UTRN: variants seen among roughly 807,000 people sequenced by gnomAD.
UTRN encodes utrophin.
A neutral mutation model predicts 463.9 loss-of-function variants in UTRN; 283 were observed. The observed-to-expected ratio is 0.61, with a 90% CI of 0.55 to 0.67. UTRN has a LOEUF of 0.67. Among genes scored for constraint, UTRN ranks in the 30% least tolerant of loss-of-function variants. The pLI, the probability that UTRN is intolerant of heterozygous loss-of-function variation, is 0.00. For synonymous variants in UTRN, 1,442 were observed against 1,431.5 expected (o/e 1.01, Z -0.17); for missense variants, 3,922 against 4,084.3 (o/e 0.96, Z 1.08).
At chr6:144,621,245 TG>T (rs1264782906) in intron 51 of UTRN, among the ~76,000 whole-genome samples, 1 of 152,228 alleles carries the variant, frequency 6.6e-6, no homozygotes, top group African/African-American at 2.4e-5. Context: ...GCAATTTCAG[TG>T]AGTTATAAAA....
chr6:144,823,637 C>T (rs1779783036), intron 66 of UTRN, among the ~76,000 whole-genome samples: 1 of 151,932 alleles, frequency 6.6e-6, no homozygotes, highest in Non-Finnish European at 1.5e-5. Flanking sequence ...GTAAACAAAT[C>T]CATGCTAAGG....
At chr6:144,702,328 C>T (rs372965305) in intron 53 of UTRN, among the ~76,000 whole-genome samples, 5 of 152,262 alleles carry the variant, frequency 3.3e-5, no homozygotes, top group East Asian at 3.9e-4. Flanking sequence ...CAGGCAGTTG[C>T]TCTGCTTCAG....
chr6:144,793,931 T>G lies in UTRN; in HGVS notation c.9018T>G (p.Gly3006=). 2 of 1,614,088 alleles carry G rather than the reference T, an allele frequency of 1.2e-6. No homozygotes were observed. Among genetic ancestry groups the G allele is most frequent in the Non-Finnish European group, 1.7e-6 (2 of 1,179,984 alleles). The part of the protein sequence containing the change: ...HDAIQIPRQL[G]EVAAFGGSNI... ...CCATCCAGATCCCCCGGCAGCTAGG[T>G]GAAGTAGCAGCTTTTGGAGGCAGTA... Residue 3006 remains glycine, a synonymous_variant, in exon 63 of 75, where the codon GGT becomes GGG. Coordinates refer to ENST00000367545, the MANE Select transcript of UTRN (RefSeq NM_007124.3).
rs559302473 is a variant in UTRN at position 144,466,790 on chromosome 6, C to T, written c.3066+3924C>T. 2.6e-5 allele frequency among the ~76,000 whole-genome samples: 4 copies of T among 152,300 alleles called. No individual in the cohort carries two copies. The East Asian group carries it at 7.7e-4, about 29-fold the overall frequency. On this transcript the variant is annotated intron_variant, in intron 23 of 74. Transcript: ENST00000367545. ...ACTTCCTTTTCCTTATTCAAGAGCTCCTGCCCTATGTATAACTGGGAAATG... is the reference window on the plus strand; with the variant it reads ...ACTTCCTTTTCCTTATTCAAGAGCTTCTGCCCTATGTATAACTGGGAAATG...
intron 51 of UTRN, among the ~76,000 whole-genome samples, chr6:144,631,730 A>C (rs1375949355): frequency 2.6e-5 from 4 of 152,006 alleles, no homozygotes; most frequent in African/African-American, 9.7e-5. Context: ...CATATTTGGG[A>C]GGGCTTTGGG....
rs997162710 is a variant in UTRN, at chr6:144,491,119, A to G, written c.4437+17A>G. The G allele has an allele frequency of 1.9e-6, 3 of 1,581,988 alleles. No homozygotes were observed. The African/African-American group carries it at 4.1e-5, about 21-fold the overall frequency. Reference sequence around the variant, plus strand: ...AAGTGTATGGTGAGGCTTTTGGGTGATTGGCACATCCAGTGGCTTTTTCAG... The same window carrying G: ...AAGTGTATGGTGAGGCTTTTGGGTGGTTGGCACATCCAGTGGCTTTTTCAG... On this transcript the variant is annotated intron_variant, in intron 32 of 74. Transcript: ENST00000367545.
intron 2 of UTRN, among the ~76,000 whole-genome samples, chr6:144,295,271 A>G (rs1434983671): frequency 6.6e-6 from 1 of 152,236 alleles, no homozygotes; most frequent in Non-Finnish European, 1.5e-5. Context: ...CCTCACTGCT[A>G]TTTCATTCAA....
At chr6:144,343,818 G>A (rs907953259) in intron 2 of UTRN, among the ~76,000 whole-genome samples, 5 of 152,076 alleles carry the variant, frequency 3.3e-5, no homozygotes, top group African/African-American at 1.2e-4. Context: ...TGTATACCCA[G>A]GGCAAACGCC....
At chr6:144,834,784 C>T (rs1244630196) in intron 69 of UTRN, among the ~76,000 whole-genome samples, 2 of 152,156 alleles carry the variant, frequency 1.3e-5, no homozygotes, top group Non-Finnish European at 2.9e-5. Flanking sequence ...TTCGCAGCCC[C>T]CATCGCTTAC....
intron 62 of UTRN, among the ~76,000 whole-genome samples, chr6:144,791,263 T>C (rs193181194): frequency 6.6e-6 from 1 of 152,356 alleles, no homozygotes; most frequent in African/African-American, 2.4e-5. Context: ...TGTCTGAACA[T>C]TGATTTTATT....
intron 51 of UTRN, among the ~76,000 whole-genome samples, chr6:144,581,618 A>G (rs747503822): frequency 2.6e-5 from 4 of 152,164 alleles, no homozygotes; most frequent in Non-Finnish European, 5.9e-5. Flanking sequence ...GTGAATGCCT[A>G]TCTCATGGGG....
intron 51 of UTRN, among the ~76,000 whole-genome samples, chr6:144,639,486 G>A (rs1777540742): frequency 6.6e-6 from 1 of 152,010 alleles, no homozygotes; most frequent in Admixed American, 6.6e-5. Context: ...ATTATTATAT[G>A]CAACTGCTCA....
chr6:144,451,578 T>C (rs1172945424), intron 18 of UTRN, 85 bp downstream of exon 18: 1 of 1,436,724 alleles, frequency 7.0e-7, no homozygotes, highest in Non-Finnish European at 9.2e-7. Flanking sequence ...CATTATGGAA[T>C]TCAAAAGCCT....
chr6:144,465,459 G>T (rs1182175956), intron 23 of UTRN, among the ~76,000 whole-genome samples: 1 of 152,154 alleles, frequency 6.6e-6, no homozygotes, highest in Non-Finnish European at 1.5e-5. Flanking sequence ...AAGGGTGTGT[G>T]TCTGGATATG....
At chr6:144,411,758 T>G (rs1207702945) in intron 3 of UTRN, among the ~76,000 whole-genome samples, 1 of 152,222 alleles carries the variant, frequency 6.6e-6, no homozygotes, top group Non-Finnish European at 1.5e-5. Flanking sequence ...TACTCTGTGA[T>G]GACCAGCACC....
At chr6:144,561,366 G>A (rs1313859313) in intron 50 of UTRN, among the ~76,000 whole-genome samples, 2 of 150,206 alleles carry the variant, frequency 1.3e-5, no homozygotes, top group African/African-American at 2.4e-5. Flanking sequence ...ATATAACTGT[G>A]TGTATAGACG....
chr6:144,700,234 C>A lies in UTRN; in HGVS notation c.7800C>A (p.Asp2600Glu). The A allele has an allele frequency of 1.2e-6, 2 of 1,611,846 alleles. No individual in the cohort carries two copies. Among genetic ancestry groups the A allele is most frequent in the Non-Finnish European group, 1.7e-6 (2 of 1,178,624 alleles). The change falls in exon 53 of 75, where the codon GAC becomes GAA. Residue 2600 changes from aspartate to glutamate, a missense_variant. This residue lies in a region of UTRN where 1,309 missense variants were observed against 1,452.6 expected (regional missense o/e 0.90). Coordinates refer to ENST00000367545, the MANE Select transcript of UTRN (RefSeq NM_007124.3). ...GDVPALQLQY[D>E]HCKALRRELK... ...TTCCAGCCTTACAGCTCCAGTATGA[C>A]CATTGTAAGGTAAGTGGATAACCTA...
intron 51 of UTRN, among the ~76,000 whole-genome samples, chr6:144,662,621 T>C (rs540895425): frequency 6.6e-6 from 1 of 152,218 alleles, no homozygotes; most frequent in Non-Finnish European, 1.5e-5. Context: ...TTTTGCTGTA[T>C]TCCTGAAGGA....
rs1012643943 is a variant in UTRN at position 144,682,803 on chromosome 6, A to C, written c.7652+4225A>C. Among the ~76,000 whole-genome samples, 6 of 152,340 alleles carry C rather than the reference A, an allele frequency of 3.9e-5. No homozygotes were observed. In the East Asian group the frequency reaches 1.2e-3, roughly 29 times the overall value. On this transcript the variant is annotated intron_variant, in intron 52 of 74. Transcript: ENST00000367545. ...TTACTTGGATATTTATAAAAGATAA[A>C]ATAGTTTGTTATTTAATTTAGCCTC...
Sources: allele counts gnomAD v4.1 joint callset (sites outside exome capture counted in the v4.1 genomes callset), GRCh38; gene constraint gnomAD v4.1.1; regional missense constraint gnomAD v4.1.1; transcripts MANE v1.5; gene names NCBI Gene and HGNC (gene_info 2026-07-23, HGNC 2026-07-21).